NFE2L3: variants seen among roughly 807,000 people sequenced by gnomAD.
NFE2L3 encodes the protein NFE2 like bZIP transcription factor 3, also known as nuclear factor erythroid 2-related factor 3.
In NFE2L3, 18 loss-of-function variants were observed where a neutral mutation model predicts 23.5. The ratio of observed to expected loss-of-function variants is 0.77; its 90% CI spans 0.53 to 1.13. The LOEUF is 1.13. Ranked by LOEUF, NFE2L3 falls within the 50% of genes most tolerant of loss-of-function variation. The pLI is 0.00. For missense variants in NFE2L3, 1,152 were observed against 877.2 expected (o/e 1.31, Z -3.96); for synonymous variants, 424 against 354.5 (o/e 1.20, Z -2.20).
chr7:26,185,936 C>T lies in NFE2L3; in HGVS notation c.*153C>T, dbSNP rs921154044. On this transcript the variant is annotated 3_prime_UTR_variant, in exon 4 of 4. Coordinates refer to ENST00000056233, the MANE Select transcript of NFE2L3 (RefSeq NM_004289.7). ...AACGCTGTTTTGAAGCTTACATGGA[C>T]AAATGTTTAGGACTTCAAGATCACA... is the stretch of plus-strand genomic sequence containing the variant. 2 of 673,064 alleles carry T rather than the reference C, an allele frequency of 3.0e-6. No homozygotes were observed. The highest frequency in any genetic ancestry group is 1.8e-5 in the African/African-American group (1 of 54,564). 41.7% of individuals were successfully genotyped at this position (673,064 alleles called of 1,614,324 possible).
intron 2 of NFE2L3, among the ~76,000 whole-genome samples, chr7:26,182,942 A>T (rs561224325): frequency 1.3e-5 from 2 of 152,202 alleles, no homozygotes; most frequent in East Asian, 3.9e-4. Flanking sequence ...CCACAGGTGC[A>T]CACCACCACA....
At chr7:26,169,248 C>A (rs1013479761) in intron 1 of NFE2L3, among the ~76,000 whole-genome samples, 3 of 152,222 alleles carry the variant, frequency 2.0e-5, no homozygotes, top group African/African-American at 7.2e-5. Flanking sequence ...GGGAAGCAGA[C>A]TCTGAGACTG....
intron 2 of NFE2L3, 144 bp from the exon 3 acceptor site, chr7:26,183,554 TAAA>T: frequency 3.5e-6 from 2 of 573,634 alleles, no homozygotes; most frequent in South Asian, 4.2e-5. Context: ...CAAAATATAA[TAAA>T]AAGTAGAACT....
intron 1 of NFE2L3, among the ~76,000 whole-genome samples, chr7:26,168,241 A>G (rs994231204): frequency 2.0e-5 from 3 of 150,690 alleles, no homozygotes; most frequent in Non-Finnish European, 4.4e-5. Context: ...GGTTCAAGTG[A>G]TTTTCCTGCC....
intron 1 of NFE2L3, among the ~76,000 whole-genome samples, chr7:26,162,739 G>A (rs1275372839): frequency 6.6e-6 from 1 of 151,374 alleles, no homozygotes; most frequent in Non-Finnish European, 1.5e-5. Flanking sequence ...CTGAGACAGG[G>A]TCTAACTCTG....
intron 1 of NFE2L3, among the ~76,000 whole-genome samples, chr7:26,175,405 T>TA (rs761944929): frequency 2.0e-5 from 3 of 152,050 alleles, no homozygotes; most frequent in Non-Finnish European, 2.9e-5. Flanking sequence ...TATTCACAGT[T>TA]ATAGACACGT....
At chr7:26,159,108 G>T (rs926450877) in intron 1 of NFE2L3, among the ~76,000 whole-genome samples, 6 of 152,154 alleles carry the variant, frequency 3.9e-5, no homozygotes, top group Non-Finnish European at 1.5e-5. Flanking sequence ...GCTCGCCATT[G>T]CCTACTTATT....
At chr7:26,165,165 G>A (rs1382429672) in intron 1 of NFE2L3, among the ~76,000 whole-genome samples, 4 of 152,186 alleles carry the variant, frequency 2.6e-5, no homozygotes, top group Non-Finnish European at 5.9e-5. Context: ...CTTTAAAGTA[G>A]TTTTTTCCAA....
chr7:26,178,439 G>A (rs1485564824), intron 2 of NFE2L3, among the ~76,000 whole-genome samples: 1 of 152,182 alleles, frequency 6.6e-6, no homozygotes, highest in East Asian at 1.9e-4. Context: ...GAACCTAGGA[G>A]TCCTCAACCA....
In NFE2L3 at chr7:26,185,315, A is replaced by G. The variant is rs1782453817; in HGVS notation, c.1617A>G (p.Glu539=). The G allele has an allele frequency of 8.7e-6, 14 of 1,614,036 alleles. No homozygotes were observed. Among genetic ancestry groups the G allele is most frequent in the Non-Finnish European group, 1.2e-5 (14 of 1,179,998 alleles). ...CAGATAGAAACTTGAGCCGTGATGA[A>G]CAGCGTGCTAAAGCTTTGCATATCC... is the stretch of plus-strand genomic sequence containing the variant. ...EDTDRNLSRD[E]QRAKALHIPF... is the part of the protein sequence containing the mutation. Residue 539 remains glutamate (E), a synonymous_variant, in exon 4 of 4, where the codon GAA becomes GAG. Coordinates refer to ENST00000056233, the MANE Select transcript of NFE2L3 (RefSeq NM_004289.7).
At position 26,185,543 on chromosome 7, in the gene NFE2L3, AAAG is replaced by A. The variant is rs754624723; in HGVS notation, c.1849_1851del (p.Lys617del). On this transcript the variant is annotated inframe_deletion, in exon 4 of 4. Coordinates refer to ENST00000056233, the MANE Select transcript of NFE2L3 (RefSeq NM_004289.7). ...AAGATGATGTATGTAACTTGCAAGC[AAAG>A]AAGGAAACTCTTAAGAGAGAGCAAG... 9.9e-6 allele frequency: 16 copies of A among 1,613,788 alleles called. No homozygotes were observed. The African/African-American group carries it at 2.0e-4, about 20-fold the overall frequency.
Position 26,185,853 on chromosome 7 carries a change from C to CCATTGAAG in NFE2L3, c.*77_*78insGCATTGAA. The CCATTGAAG allele has an allele frequency of 1.6e-6, 2 of 1,245,190 alleles. No homozygotes were observed. Among genetic ancestry groups the CCATTGAAG allele is most frequent in the South Asian group, 3.2e-5 (2 of 63,314 alleles). 77.1% of individuals were successfully genotyped at this position (1,245,190 alleles called of 1,614,324 possible). On this transcript the variant is annotated 3_prime_UTR_variant, in exon 4 of 4. Coordinates refer to ENST00000056233, the MANE Select transcript of NFE2L3 (RefSeq NM_004289.7). ...AGAAACTGATTATTTGGATCAGAAACCATTGAAACTGCTTCAAGAATTGTA... is the reference window on the plus strand; with the variant it reads ...AGAAACTGATTATTTGGATCAGAAACCATTGAAGCATTGAAACTGCTTCAAGAATTGTA...
chr7:26,171,938 A>G (rs1013825271), intron 1 of NFE2L3, among the ~76,000 whole-genome samples: 5 of 152,262 alleles, frequency 3.3e-5, no homozygotes, highest in Admixed American at 6.5e-5. Flanking sequence ...CTAGTGTTGT[A>G]TTTGATACTC....
intron 1 of NFE2L3, chr7:26,174,982 G>A (rs1304528986): frequency 6.6e-6 from 1 of 152,084 alleles, no homozygotes; most frequent in African/African-American, 2.4e-5. Context: ...GTAAATTAAG[G>A]TAGAAGGACT....
At chr7:26,182,550 C>G (rs1226825023) in intron 2 of NFE2L3, among the ~76,000 whole-genome samples, 2 of 152,162 alleles carry the variant, frequency 1.3e-5, no homozygotes, top group Non-Finnish European at 2.9e-5. Context: ...ATCACTTGAA[C>G]CCAGGAGGCG....
rs145679790 is a variant in NFE2L3 at position 26,186,038 on chromosome 7, T to C, written c.*255T>C. 4.5e-4 allele frequency: 142 copies of C among 312,674 alleles called. No individual in the cohort carries two copies. Among genetic ancestry groups the C allele is most frequent in the African/African-American group, 2.6e-3 (120 of 46,624 alleles). The allele number at this position is 312,674 out of a possible 1,614,324, so 19.4% of individuals were successfully genotyped here. On this transcript the variant is annotated 3_prime_UTR_variant, in exon 4 of 4. Transcript: ENST00000056233. ...AAAATTCATAGTTATGTCCAAAGAA[T>C]AGGTTAACATGAAAACCCAGTAAGA...
chr7:26,170,774 G>A (rs905746820), intron 1 of NFE2L3, among the ~76,000 whole-genome samples: 1 of 152,154 alleles, frequency 6.6e-6, no homozygotes. Flanking sequence ...GCACATCAGA[G>A]AAGACCCTGA....
intron 1 of NFE2L3, among the ~76,000 whole-genome samples, chr7:26,159,629 C>G (rs776763222): frequency 1.3e-5 from 2 of 152,140 alleles, no homozygotes; most frequent in African/African-American, 4.8e-5. Flanking sequence ...CTTCAAGGCC[C>G]GAGTCTCAAC....
At chr7:26,181,829 A>G (rs1426108144) in intron 2 of NFE2L3, among the ~76,000 whole-genome samples, 1 of 152,198 alleles carries the variant, frequency 6.6e-6, no homozygotes. Flanking sequence ...TAGATATGAA[A>G]AAAGTCATTT....
Sources: allele counts gnomAD v4.1 joint callset (sites outside exome capture counted in the v4.1 genomes callset), GRCh38; gene constraint gnomAD v4.1.1; transcripts MANE v1.5; gene names NCBI Gene and HGNC (gene_info 2026-07-23, HGNC 2026-07-21).